Variants in SPAG16 observed in about 807,000 individuals in gnomAD.
The protein encoded by SPAG16 is sperm-associated antigen 16 protein.
SPAG16 carries 86 observed loss-of-function variants against 80.4 expected under a neutral mutation model. That is an observed-to-expected ratio of 1.07 (90% CI 0.90 to 1.28). The LOEUF is 1.28. Among genes scored for constraint, SPAG16 ranks in the 50% most tolerant of loss-of-function variants. The pLI is 0.00. For synonymous variants in SPAG16, 294 were observed against 265.9 expected (o/e 1.11, Z -1.03); for missense variants, 870 against 765.3 (o/e 1.14, Z -1.61).
intron 10 of SPAG16, among the ~76,000 whole-genome samples, chr2:213,494,928 G>GA (rs1449214794): frequency 6.6e-6 from 1 of 152,084 alleles, no homozygotes; most frequent in African/African-American, 2.4e-5. Flanking sequence ...TACTTCTCCA[G>GA]TTTTTACATG....
At chr2:213,820,460 G>T (rs1187749762) in intron 10 of SPAG16, among the ~76,000 whole-genome samples, 1 of 151,984 alleles carries the variant, frequency 6.6e-6, no homozygotes, top group Non-Finnish European at 1.5e-5. Context: ...ATTAGGACTG[G>T]GGTGATTTTT....
At chr2:214,354,403 G>C (rs1245992660) in intron 15 of SPAG16, among the ~76,000 whole-genome samples, 1 of 152,096 alleles carries the variant, frequency 6.6e-6, no homozygotes, top group South Asian at 2.1e-4. Context: ...TTACTGTAGA[G>C]TTGTAGTATA....
chr2:213,468,435 ATGTATTTATATATAGATATATATATC>A (rs2072841601), intron 9 of SPAG16, among the ~76,000 whole-genome samples: 1 of 140,596 alleles, frequency 7.1e-6, no homozygotes, highest in African/African-American at 2.8e-5. Flanking sequence ...ATATATATCT[ATGTATTTATATATAGATATATATATC>A]TCTATGTATT....
At chr2:213,797,306 T>A (rs1463929789) in intron 10 of SPAG16, among the ~76,000 whole-genome samples, 1 of 152,188 alleles carries the variant, frequency 6.6e-6, no homozygotes, top group Non-Finnish European at 1.5e-5. Flanking sequence ...TAATGTACAG[T>A]AGTGTCCTAG....
chr2:213,854,100 A>T (rs1423753854), intron 10 of SPAG16, among the ~76,000 whole-genome samples: 2 of 152,242 alleles, frequency 1.3e-5, no homozygotes, highest in South Asian at 4.1e-4. Flanking sequence ...TTAACTTGTG[A>T]AAGTGTTATT....
At chr2:213,410,329 T>A (rs1264146965) in intron 9 of SPAG16, among the ~76,000 whole-genome samples, 1 of 152,244 alleles carries the variant, frequency 6.6e-6, no homozygotes, top group Non-Finnish European at 1.5e-5. Context: ...CTGAAGGAAC[T>A]TACCAGGTCA....
chr2:214,141,011 TA>T (rs962932530), intron 14 of SPAG16, among the ~76,000 whole-genome samples: 2 of 150,720 alleles, frequency 1.3e-5, no homozygotes, highest in Non-Finnish European at 3.0e-5. Flanking sequence ...GCCATAACAA[TA>T]ACTTGTATTT....
chr2:213,504,164 A>G (rs1238296698), intron 10 of SPAG16, among the ~76,000 whole-genome samples: 1 of 152,218 alleles, frequency 6.6e-6, no homozygotes, highest in Non-Finnish European at 1.5e-5. Flanking sequence ...CAGGGGCTCC[A>G]TGCCTGGTTT....
intron 11 of SPAG16, among the ~76,000 whole-genome samples, chr2:213,906,790 T>C (rs962649636): frequency 5.9e-5 from 9 of 152,172 alleles, no homozygotes; most frequent in Non-Finnish European, 1.0e-4. Flanking sequence ...CAATAAACAG[T>C]GCTGGGCAAA....
intron 15 of SPAG16, among the ~76,000 whole-genome samples, chr2:214,339,449 C>T (rs922004128): frequency 6.6e-6 from 1 of 152,120 alleles, no homozygotes; most frequent in African/African-American, 2.4e-5. Flanking sequence ...CTGTTTAAGT[C>T]AAAGCAATGT....
intron 12 of SPAG16, among the ~76,000 whole-genome samples, chr2:214,007,098 A>C (rs2047060804): frequency 6.6e-6 from 1 of 152,166 alleles, no homozygotes; most frequent in African/African-American, 2.4e-5. Flanking sequence ...CTAGATTATA[A>C]ATTCTCTGTG....
In SPAG16 at chr2:213,317,331, T is replaced by C. The variant is rs1451160301; in HGVS notation, c.511T>C (p.Leu171=). ...ENENKNLKKD[L]KHYKQAADKA... is the part of the protein sequence containing the mutation. ...TGAGAACAAAAATTTAAAGAAAGAT[T>C]TGAAGCACTACAAACAAGCAGCTGA... is the stretch of plus-strand genomic sequence containing the variant. Residue 171 remains leucine, a synonymous_variant, in exon 5 of 16, where the codon TTG becomes CTG. Transcript: ENST00000331683. 2 of 1,610,526 alleles carry C rather than the reference T, an allele frequency of 1.2e-6. No homozygotes were observed. The highest frequency in any genetic ancestry group is 2.7e-5 in the African/African-American group (2 of 74,744).
chr2:214,225,448 G>A (rs1240023730), intron 15 of SPAG16, among the ~76,000 whole-genome samples: 4 of 152,048 alleles, frequency 2.6e-5, no homozygotes, highest in Non-Finnish European at 5.9e-5. Context: ...GGAAGGCAGG[G>A]ACACATGGTT....
intron 14 of SPAG16, among the ~76,000 whole-genome samples, chr2:214,141,798 T>C (rs922575468): frequency 6.6e-6 from 1 of 152,196 alleles, no homozygotes; most frequent in African/African-American, 2.4e-5. Context: ...TTTTCACTTG[T>C]AGGTAAATAT....
chr2:213,413,038 TG>T (rs1327924896), intron 9 of SPAG16, among the ~76,000 whole-genome samples: 1 of 152,158 alleles, frequency 6.6e-6, no homozygotes, highest in African/African-American at 2.4e-5. Context: ...TGAGTTATAT[TG>T]GGTAATGCTG....
chr2:213,605,348 G>C (rs909904778), intron 10 of SPAG16, among the ~76,000 whole-genome samples: 6 of 150,928 alleles, frequency 4.0e-5, no homozygotes, highest in Non-Finnish European at 8.8e-5. Flanking sequence ...CTCACTGCAG[G>C]CTCTGCCTTC....
intron 15 of SPAG16, among the ~76,000 whole-genome samples, chr2:214,387,388 A>C (rs1436576243): frequency 6.6e-6 from 1 of 152,336 alleles, no homozygotes; most frequent in Non-Finnish European, 1.5e-5. Flanking sequence ...ACAGAGCAGC[A>C]TCTCAGTATA....
At chr2:213,537,958 C>G (rs1164175819) in intron 10 of SPAG16, among the ~76,000 whole-genome samples, 1 of 152,126 alleles carries the variant, frequency 6.6e-6, no homozygotes, top group Non-Finnish European at 1.5e-5. Flanking sequence ...TTTATTCACT[C>G]ACTCTTTCAT....
At chr2:214,142,300 C>A (rs1310975211) in intron 14 of SPAG16, among the ~76,000 whole-genome samples, 2 of 152,118 alleles carry the variant, frequency 1.3e-5, no homozygotes, top group East Asian at 3.8e-4. Flanking sequence ...TTATTCAAAT[C>A]TTTGAGACTC....
Sources: gnomAD v4.1 joint callset for allele counts (sites outside exome capture counted in the v4.1 genomes callset) on GRCh38, gnomAD v4.1.1 for gene constraint, MANE v1.5 for transcripts, NCBI Gene and HGNC (gene_info 2026-07-23, HGNC 2026-07-21) for gene names.